The following KATNAL2 variants were observed in gnomAD, a reference collection of about 807,000 sequenced individuals.
The protein encoded by KATNAL2 is katanin p60 ATPase-containing subunit A-like 2.
A neutral mutation model predicts 76.3 loss-of-function variants in KATNAL2; 52 were observed. The observed-to-expected ratio is 0.68, with a 90% CI of 0.55 to 0.86. The LOEUF (loss-of-function observed/expected upper bound fraction) is 0.86, where lower values mean the gene tolerates loss of function less well. Among genes scored for constraint, KATNAL2 ranks in the 40% least tolerant of loss-of-function variants. The pLI is 0.00. For synonymous variants in KATNAL2, 243 were observed against 244.2 expected, an observed-to-expected ratio of 1.00 and a Z score of 0.05; for missense variants, 660 against 668.9, an observed-to-expected ratio of 0.99 and a Z score of 0.15.
At chr18:46,950,894 G>A (rs7237809) in intron 3 of KATNAL2, among the ~76,000 whole-genome samples, 2,951 of 152,182 alleles carry the variant, frequency 0.019, 81 homozygotes, top group African/African-American at 0.066. Context: ...ATGTTGGCCG[G>A]GCTGGTCTCG....
At chr18:46,952,997 C>T (rs993762708) in intron 3 of KATNAL2, among the ~76,000 whole-genome samples, 2 of 150,266 alleles carry the variant, frequency 1.3e-5, no homozygotes, top group Non-Finnish European at 3.0e-5. Flanking sequence ...CAGGTTCAAC[C>T]GATTCTCCTG....
At chr18:47,067,280 C>T (rs2147183445) in intron 11 of KATNAL2, among the ~76,000 whole-genome samples, 161 bp downstream of exon 11, 1 of 152,140 alleles carries the variant, frequency 6.6e-6, no homozygotes, top group Non-Finnish European at 1.5e-5. Flanking sequence ...AGCACCAAAG[C>T]CTGGTCCATT....
chr18:47,088,370 G>T (rs2062863063), intron 15 of KATNAL2, among the ~76,000 whole-genome samples: 1 of 152,146 alleles, frequency 6.6e-6, no homozygotes, highest in African/African-American at 2.4e-5. Context: ...ATTATATCCA[G>T]GGATTTTTAG....
chr18:47,069,655 C>T, intron 13 of KATNAL2, 55 bp downstream of exon 13: 1 of 1,147,932 alleles, frequency 8.7e-7, no homozygotes, highest in Non-Finnish European at 1.3e-6. Context: ...TACAGTGGTA[C>T]AAAATGATGT....
chr18:47,047,813 A>T (rs996673595), intron 4 of KATNAL2, among the ~76,000 whole-genome samples: 5 of 151,810 alleles, frequency 3.3e-5, no homozygotes, highest in African/African-American at 1.2e-4. Context: ...GGCTCAAGGG[A>T]TCCTCTCACC....
At chr18:46,938,306 G>A (rs1387182413) in intron 1 of KATNAL2, among the ~76,000 whole-genome samples, 1 of 152,146 alleles carries the variant, frequency 6.6e-6, no homozygotes, top group East Asian at 1.9e-4. Flanking sequence ...CCTTACATGT[G>A]AATGGTGACT....
At position 47,099,681 on chromosome 18, in the gene KATNAL2, T is replaced by C. The variant is rs567181740; in HGVS notation, c.1374+276T>C. Among the ~76,000 whole-genome samples, 6 of 152,320 alleles carry C rather than the reference T, an allele frequency of 3.9e-5. No individual in the cohort carries two copies. In the South Asian group the frequency reaches 1.0e-3, roughly 26 times the overall value. On this transcript the variant is annotated intron_variant, in intron 16 of 17. Coordinates refer to ENST00000683218, the MANE Select transcript of KATNAL2 (RefSeq NM_001387690.1). ...CTGGCCCTGCTGCTTGTTAGCTGTG[T>C]GACCTCGGAGAAGTCACTTACTCTT...
chr18:46,948,304 G>C lies in KATNAL2; in HGVS notation c.51+1381G>C, dbSNP rs144535523. ...TTTTTGTATTTTTAGTAGAGACAGG[G>C]TTTCACCATGTTGCCCAGTTTGGTC... On this transcript the variant is annotated intron_variant, in intron 3 of 17. Coordinates refer to ENST00000683218, the MANE Select transcript of KATNAL2 (RefSeq NM_001387690.1). Among the ~76,000 whole-genome samples the C allele has an allele frequency of 6.4e-3, 966 of 151,472 alleles. 8 individuals are homozygous for C. Among genetic ancestry groups the C allele is most frequent in the African/African-American group, 0.022 (907 of 41,292 alleles).
intron 1 of KATNAL2, chr18:46,920,074 T>C (rs2058451866): frequency 8.5e-6 from 11 of 1,289,766 alleles, no homozygotes; most frequent in South Asian, 1.2e-5. Context: ...GTGTTCTTTG[T>C]AGTTGCTTCC....
chr18:47,033,114 G>C (rs769806807), intron 3 of KATNAL2: 3 of 1,614,118 alleles, frequency 1.9e-6, no homozygotes, highest in Admixed American at 3.3e-5. Context: ...CGTGCTCATT[G>C]CTGCTGCTCA....
At chr18:46,934,439 A>G (rs530411460) in intron 1 of KATNAL2, among the ~76,000 whole-genome samples, 1 of 152,318 alleles carries the variant, frequency 6.6e-6, no homozygotes, top group African/African-American at 2.4e-5. Flanking sequence ...GGCTGCATAA[A>G]TGTCTTCTTT....
Position 47,063,304 on chromosome 18 carries a change from G to A in KATNAL2, c.669G>A (p.Leu223=), listed in dbSNP as rs2061692243. The A allele has an allele frequency of 1.9e-6, 3 of 1,613,822 alleles. No homozygotes were observed. Among genetic ancestry groups the A allele is most frequent in the Non-Finnish European group, 8.5e-7 (1 of 1,179,934 alleles). ...PDPSERLLKP[L]SAFIGMNSEM... ...ATCAGGAACGACTGCTGAAACCTCT[G>A]AGTGCATTTATTGGCATGAACAGTG... Residue 223 remains leucine, a synonymous_variant, in exon 10 of 18, where the codon CTG becomes CTA. Coordinates refer to ENST00000683218, the MANE Select transcript of KATNAL2 (RefSeq NM_001387690.1).
At chr18:47,073,839 T>C (rs1481539918) in intron 13 of KATNAL2, among the ~76,000 whole-genome samples, 1 of 152,226 alleles carries the variant, frequency 6.6e-6, no homozygotes, top group African/African-American at 2.4e-5. Context: ...TTACCCATGA[T>C]TCTGTATATT....
intron 1 of KATNAL2, among the ~76,000 whole-genome samples, chr18:46,926,021 T>C (rs376569411): frequency 1.3e-5 from 2 of 152,160 alleles, no homozygotes; most frequent in Non-Finnish European, 2.9e-5. Flanking sequence ...TTTGTTGATC[T>C]TTTCAAAAAA....
intron 12 of KATNAL2, 22 bp downstream of exon 12, chr18:47,069,305 G>A (rs375446204): frequency 1.0e-5 from 16 of 1,592,008 alleles, no homozygotes; most frequent in Non-Finnish European, 8.6e-7. Context: ...TTCCTATTTT[G>A]ATGTCAGTGT....
At chr18:47,081,559 G>T (rs1453604619) in intron 15 of KATNAL2, among the ~76,000 whole-genome samples, 1 of 152,186 alleles carries the variant, frequency 6.6e-6, no homozygotes. Context: ...CATGTGGCTG[G>T]TGCTACCATA....
At chr18:47,064,237 C>T (rs1487072049) in intron 10 of KATNAL2, among the ~76,000 whole-genome samples, 1 of 145,464 alleles carries the variant, frequency 6.9e-6, no homozygotes, top group African/African-American at 2.6e-5. Context: ...ACTTTAAGAG[C>T]ATGAAGGAGG....
intron 10 of KATNAL2, 133 bp from the exon 11 acceptor site, chr18:47,066,888 T>TATATATATACATACACAC (rs11281082): frequency 2.6e-5 from 2 of 75,816 alleles, no homozygotes; most frequent in African/African-American, 8.8e-5. Flanking sequence ...TATATATATA[T>TATATATATACATACACAC]ATATAATATG....
At chr18:46,920,003 A>C in intron 1 of KATNAL2, 1 of 1,196,870 alleles carries the variant, frequency 8.4e-7, no homozygotes. Context: ...CATAAAGAGG[A>C]CCAACATAAA....
Sources: allele counts gnomAD v4.1 joint callset (sites outside exome capture counted in the v4.1 genomes callset), GRCh38; gene constraint gnomAD v4.1.1; transcripts MANE v1.5; gene names NCBI Gene and HGNC (gene_info 2026-07-23, HGNC 2026-07-21).